The following SLC30A4 variants were observed in gnomAD, a reference collection of about 807,000 sequenced individuals.
The protein encoded by SLC30A4 is probable proton-coupled zinc antiporter SLC30A4.
In SLC30A4, 20 loss-of-function variants were observed where a neutral mutation model predicts 41.7. The ratio of observed to expected loss-of-function variants is 0.48; its 90% confidence interval spans 0.34 to 0.70. SLC30A4 has a LOEUF of 0.70. SLC30A4 is among the 30% of genes least tolerant of loss of function. SLC30A4 has a pLI of 0.01. For missense variants in SLC30A4, 441 were observed against 529.3 expected (o/e 0.83, Z 1.64); for synonymous variants, 181 against 195.9 (o/e 0.92, Z 0.64).
intron 3 of SLC30A4, among the ~76,000 whole-genome samples, chr15:45,501,533 C>T (rs1246473535): frequency 6.6e-6 from 1 of 152,150 alleles, no homozygotes; most frequent in Non-Finnish European, 1.5e-5. Flanking sequence ...CAGAGTCTTG[C>T]TCTGTCCCCT....
intron 3 of SLC30A4, among the ~76,000 whole-genome samples, chr15:45,498,747 T>C (rs1891954685): frequency 6.6e-6 from 1 of 152,198 alleles, no homozygotes; most frequent in Non-Finnish European, 1.5e-5. Context: ...AGATGTTTAT[T>C]TGATGTGATT....
In SLC30A4 at chr15:45,481,181, T is replaced by C. The variant is rs1308812319; in HGVS notation, c.*3982A>G. Reference sequence around the variant, plus strand: ...GAGAATGGAAATAAAGCACCCAAAGTTGAAAAGAAAACAGTAAAATAAGAA... The same window carrying C: ...GAGAATGGAAATAAAGCACCCAAAGCTGAAAAGAAAACAGTAAAATAAGAA... On this transcript the variant is annotated 3_prime_UTR_variant, in exon 8 of 8. Transcript: ENST00000261867. 1.3e-5 allele frequency: 2 copies of C among 152,120 alleles called. No homozygotes were observed. Among genetic ancestry groups the C allele is most frequent in the Non-Finnish European group, 2.9e-5 (2 of 68,024 alleles). 9.4% of individuals were successfully genotyped at this position (152,120 alleles called of 1,614,324 possible).
At chr15:45,495,245 A>T (rs189124753) in intron 3 of SLC30A4, among the ~76,000 whole-genome samples, 1 of 152,224 alleles carries the variant, frequency 6.6e-6, no homozygotes, top group African/African-American at 2.4e-5. Context: ...ATGAAAATTT[A>T]AAATTCATAA....
Position 45,490,797 on chromosome 15 carries a change from T to C in SLC30A4, c.623A>G (p.His208Arg), listed in dbSNP as rs772613309. The change falls in exon 4 of 8, where the codon CAT becomes CGT. Residue 208 changes from histidine to arginine, a missense_variant. Transcript: ENST00000261867. Reference sequence around the variant, plus strand: ...ATCTCCATTTATTTCATAGTTCATATGGATAGTTCTTTGCACAGCTTCATA... The same window carrying C: ...ATCTCCATTTATTTCATAGTTCATACGGATAGTTCTTTGCACAGCTTCATA... ...LLYEAVQRTIHMNYEINGDIM... is the reference protein window; with the variant it reads ...LLYEAVQRTIRMNYEINGDIM... The C allele has an allele frequency of 8.1e-6, 13 of 1,611,608 alleles. No individual in the cohort carries two copies. Among genetic ancestry groups the C allele is most frequent in the Non-Finnish European group, 1.1e-5 (13 of 1,178,218 alleles).
In SLC30A4 at chr15:45,483,263, T is replaced by C. The variant is rs1348655441; in HGVS notation, c.*1900A>G. The stretch of plus-strand genomic sequence containing the variant: ...GATAAAATGTTTCCTATTCTTCATT[T>C]ATATTGTAAGTCATCTGCATGCTTA... On this transcript the variant is annotated 3_prime_UTR_variant, in exon 8 of 8. Transcript: ENST00000261867. The C allele has an allele frequency of 6.6e-6, 1 of 152,260 alleles. No individual in the cohort carries two copies. Among genetic ancestry groups the C allele is most frequent in the Non-Finnish European group, 1.5e-5 (1 of 68,044 alleles). 9.4% of individuals were successfully genotyped at this position (152,260 alleles called of 1,614,324 possible).
intron 2 of SLC30A4, among the ~76,000 whole-genome samples, chr15:45,521,656 G>A (rs1892670488): frequency 6.6e-6 from 1 of 152,100 alleles, no homozygotes; most frequent in Non-Finnish European, 1.5e-5. Context: ...AATTAACCTG[G>A]TATTTTACCA....
intron 3 of SLC30A4, among the ~76,000 whole-genome samples, chr15:45,505,260 G>GA (rs1892130598): frequency 7.6e-6 from 1 of 131,904 alleles, no homozygotes; most frequent in Non-Finnish European, 1.6e-5. Flanking sequence ...AAAAAAGAAA[G>GA]AAAAGAAAAA....
Position 45,481,824 on chromosome 15 carries a change from G to A in SLC30A4, c.*3339C>T, listed in dbSNP as rs1891605624. On this transcript the variant is annotated 3_prime_UTR_variant, in exon 8 of 8. Coordinates refer to ENST00000261867, the MANE Select transcript of SLC30A4 (RefSeq NM_013309.6). ...CAAATTCTCAAATCTCATAGACTCC[G>A]TAAGGTAAAGATACAAACTATGTAC... is the stretch of plus-strand genomic sequence containing the variant. 2 of 152,072 alleles carry A rather than the reference G, an allele frequency of 1.3e-5. No individual in the cohort carries two copies. The highest frequency in any genetic ancestry group is 4.8e-5 in the African/African-American group (2 of 41,408). The allele number at this position is 152,072 out of a possible 1,614,324, so 9.4% of individuals were successfully genotyped here. A position where few individuals can be genotyped will look rare whatever the true frequency, so the allele number is the denominator to read the frequency against.
intron 3 of SLC30A4, among the ~76,000 whole-genome samples, chr15:45,505,619 T>C (rs939061839): frequency 1.3e-5 from 2 of 152,230 alleles, no homozygotes; most frequent in Non-Finnish European, 2.9e-5. Context: ...AGCTTCTATG[T>C]ACTGTTATAA....
intron 3 of SLC30A4, among the ~76,000 whole-genome samples, chr15:45,500,240 G>A (rs922389246): frequency 3.3e-5 from 5 of 152,298 alleles, no homozygotes; most frequent in Middle Eastern, 3.4e-3. Context: ...ACAGAAGGCT[G>A]AAACTAACTT....
At chr15:45,503,130 A>C (rs192641273) in intron 3 of SLC30A4, among the ~76,000 whole-genome samples, 2 of 152,314 alleles carry the variant, frequency 1.3e-5, no homozygotes, top group African/African-American at 4.8e-5. Flanking sequence ...TAGATAATCC[A>C]AATTAGATAC....
chr15:45,517,345 CTTTTTT>C (rs1166130286), intron 2 of SLC30A4, among the ~76,000 whole-genome samples: 5 of 65,602 alleles, frequency 7.6e-5, no homozygotes, highest in African/African-American at 3.1e-4. Context: ...CCAATCCATT[CTTTTTT>C]TTTTTTTTTT....
chr15:45,501,198 C>T (rs1203813394), intron 3 of SLC30A4, among the ~76,000 whole-genome samples: 1 of 151,758 alleles, frequency 6.6e-6, no homozygotes, highest in Non-Finnish European at 1.5e-5. Flanking sequence ...GTCCCAGCTA[C>T]TCGGGAGGCT....
Position 45,490,850 on chromosome 15 carries a change from C to A in SLC30A4, c.570G>T (p.Leu190Phe). 1 of 1,597,722 alleles carries A rather than the reference C, an allele frequency of 6.3e-7. No homozygotes were observed. Among genetic ancestry groups the A allele is most frequent in the East Asian group, 2.2e-5 (1 of 44,688 alleles). Reference sequence around the variant, plus strand: ...AGAGGAATCCCATAAGTATATACACCAACAGCACACTAATCATAGCTGACA... The same window carrying A: ...AGAGGAATCCCATAAGTATATACACAAACAGCACACTAATCATAGCTGACA... ...EVLSAMISVL[L>F]VYILMGFLLY... The change falls in exon 4 of 8, where the codon TTG becomes TTT. Residue 190 changes from leucine to phenylalanine, a missense_variant. By Grantham distance (22) the Leu-to-Phe change is conservative (BLOSUM62 0). Coordinates refer to ENST00000261867, the MANE Select transcript of SLC30A4 (RefSeq NM_013309.6).
At chr15:45,498,871 G>A (rs184677153) in intron 3 of SLC30A4, among the ~76,000 whole-genome samples, 2 of 152,168 alleles carry the variant, frequency 1.3e-5, no homozygotes, top group African/African-American at 4.8e-5. Context: ...GTGTGTTTGC[G>A]GGAAGACTTC....
rs1355654515 is a variant in SLC30A4 at position 45,486,675 on chromosome 15, G to A, written c.1071C>T (p.Val357=). Residue 357 remains valine, a synonymous_variant, in exon 7 of 8, where the codon GTC becomes GTT. Coordinates refer to ENST00000261867, the MANE Select transcript of SLC30A4 (RefSeq NM_013309.6). ...TGAGAGACCAGATATTTAAATCTTC[G>A]ACTGAATATACATCTTCTATTTTCA... ...ALMKIEDVYS[V]EDLNIWSLTS... is the part of the protein sequence containing the mutation. 15 of 1,601,186 alleles carry A rather than the reference G, an allele frequency of 9.4e-6. No individual in the cohort carries two copies. Among genetic ancestry groups the A allele is most frequent in the East Asian group, 2.3e-5 (1 of 44,178 alleles).
chr15:45,507,962 C>T (rs750665211), intron 3 of SLC30A4, among the ~76,000 whole-genome samples: 8 of 151,980 alleles, frequency 5.3e-5, no homozygotes, highest in African/African-American at 1.2e-4. Context: ...AAAGGAAATG[C>T]TGGAAGGATA....
At chr15:45,487,886 A>C in intron 5 of SLC30A4, among the ~76,000 whole-genome samples, 1 of 151,452 alleles carries the variant, frequency 6.6e-6, no homozygotes, top group East Asian at 1.9e-4. Context: ...TAAATGTTCT[A>C]GAATATCAGA....
intron 3 of SLC30A4, chr15:45,502,983 G>A (rs1457078347): frequency 2.0e-5 from 3 of 149,116 alleles, no homozygotes; most frequent in Non-Finnish European, 4.4e-5. Context: ...AACAGAAAAA[G>A]ACCGTGTCTC....
Sources: allele counts gnomAD v4.1 joint callset (sites outside exome capture counted in the v4.1 genomes callset), GRCh38; gene constraint gnomAD v4.1.1; transcripts MANE v1.5; gene names NCBI Gene and HGNC (gene_info 2026-07-23, HGNC 2026-07-21).